The following ATP6V0A4 variants were observed in gnomAD, a reference collection of about 807,000 sequenced individuals.
ATP6V0A4 encodes ATPase H+ transporting V0 subunit a4, also known as V-type proton ATPase 116 kDa subunit a 4.
A neutral mutation model predicts 107.3 loss-of-function variants in ATP6V0A4; 86 were observed. The observed-to-expected ratio is 0.80, with a 90% confidence interval of 0.67 to 0.96. The LOEUF is 0.96. Among genes scored for constraint, ATP6V0A4 ranks in the 40% least tolerant of loss-of-function variants. The pLI is 0.00. For synonymous variants in ATP6V0A4, 353 were observed against 381.4 expected (o/e 0.93, Z 0.87); for missense variants, 908 against 1,045.6 (o/e 0.87, Z 1.81).
At chr7:138,741,019 C>G (rs1805611626) in intron 14 of ATP6V0A4, among the ~76,000 whole-genome samples, 1 of 151,976 alleles carries the variant, frequency 6.6e-6, no homozygotes, top group Admixed American at 6.6e-5. Flanking sequence ...TGCCACATGA[C>G]TGTAATCCCA....
At chr7:138,714,987 A>G (rs1363814739) in intron 20 of ATP6V0A4, among the ~76,000 whole-genome samples, 1 of 152,226 alleles carries the variant, frequency 6.6e-6, no homozygotes, top group Non-Finnish European at 1.5e-5. Context: ...GGAGAGTCAC[A>G]GTCAGAGAAA....
chr7:138,763,704 G>A (rs1806943258), intron 5 of ATP6V0A4, among the ~76,000 whole-genome samples: 1 of 151,182 alleles, frequency 6.6e-6, no homozygotes, highest in Non-Finnish European at 1.5e-5. Context: ...GAAAATGATG[G>A]GCCAGGCACG....
intron 18 of ATP6V0A4, among the ~76,000 whole-genome samples, chr7:138,723,448 A>G (rs1454295038): frequency 1.3e-5 from 2 of 152,032 alleles, no homozygotes; most frequent in Non-Finnish European, 2.9e-5. Context: ...CCCATGTCCA[A>G]AGTTTTTCTA....
Position 138,734,127 on chromosome 7 carries a change from G to A in ATP6V0A4, c.1691+9C>T, listed in dbSNP as rs771895516. The A allele has an allele frequency of 5.6e-6, 9 of 1,607,320 alleles. No homozygotes were observed. Among genetic ancestry groups the A allele is most frequent in the Non-Finnish European group, 4.3e-6 (5 of 1,174,098 alleles). On this transcript the variant is annotated intron_variant, in intron 16 of 21. Coordinates refer to ENST00000310018, the MANE Select transcript of ATP6V0A4 (RefSeq NM_020632.3). ...ACAGAGCAGGCAGAGAGTGCATCAA[G>A]AAACTTACATGTGATTGAAAAGGCT...
At chr7:138,765,748 G>C (rs931333468) in intron 5 of ATP6V0A4, among the ~76,000 whole-genome samples, 1 of 149,128 alleles carries the variant, frequency 6.7e-6, no homozygotes, top group Admixed American at 6.7e-5. Flanking sequence ...TTTTGTTTTT[G>C]TTTTTGTTTT....
chr7:138,709,107 G>A (rs764257472), intron 21 of ATP6V0A4, among the ~76,000 whole-genome samples: 1 of 151,542 alleles, frequency 6.6e-6, no homozygotes, highest in Non-Finnish European at 1.5e-5. Context: ...TACTCAGGAG[G>A]CTGAGGCAGG....
chr7:138,756,315 T>C (rs1563004513), intron 9 of ATP6V0A4, 143 bp downstream of exon 9: 1 of 1,379,474 alleles, frequency 7.2e-7, no homozygotes, highest in Non-Finnish European at 1.0e-6. Context: ...TAAAAATCAG[T>C]TGGGGCTGAC....
At chr7:138,735,165 G>A (rs1584910317) in intron 15 of ATP6V0A4, among the ~76,000 whole-genome samples, 1 of 152,050 alleles carries the variant, frequency 6.6e-6, no homozygotes, top group Non-Finnish European at 1.5e-5. Flanking sequence ...GTGGGTGGAG[G>A]GGTTAGTTAG....
intron 1 of ATP6V0A4, among the ~76,000 whole-genome samples, chr7:138,795,774 G>C (rs1354696790): frequency 1.3e-5 from 2 of 152,040 alleles, no homozygotes; most frequent in Non-Finnish European, 2.9e-5. Flanking sequence ...CTGAGTAGCT[G>C]AGACTACAGG....
chr7:138,733,231 C>T (rs1485514838), intron 16 of ATP6V0A4, 138 bp from the exon 17 acceptor site: 2 of 1,421,074 alleles, frequency 1.4e-6, no homozygotes, highest in Non-Finnish European at 9.4e-7. Flanking sequence ...CGGCACCCCC[C>T]ACCCCCCCAG....
chr7:138,797,375 A>C lies in ATP6V0A4; in HGVS notation c.-121+659T>G, dbSNP rs191127497. Among the ~76,000 whole-genome samples, 459 of 151,192 alleles carry C rather than the reference A, an allele frequency of 3.0e-3. 2 individuals carry two copies. The highest frequency in any genetic ancestry group is 2.2e-3 in the Non-Finnish European group (148 of 67,792). ...TGGGACTACAGGCATGCACCACCAC[A>C]CCTGGCTAATTTTTGTATTTTTATT... On this transcript the variant is annotated intron_variant, in intron 1 of 21. Transcript: ENST00000310018.
rs779869631 is a variant in ATP6V0A4, at chr7:138,762,983, G to A, written c.334C>T (p.Gln112Ter). The change falls in exon 6 of 22, where the codon CAG (glutamine) becomes TAG (stop). Residue 112 changes from glutamine (Q) to a stop codon, truncating the protein, a stop_gained. Coordinates refer to ENST00000310018, the MANE Select transcript of ATP6V0A4 (RefSeq NM_020632.3). LOFTEE classifies it high-confidence loss of function. ...KLEGELQEAN[Q>*]NQQALKQSFL... ...CTTTGTTTCAAGGCCTGCTGGTTCT[G>A]GTTGGCTTCCTGTAACTCTCCTTCC... The A allele has an allele frequency of 1.2e-6, 2 of 1,613,978 alleles. No homozygotes were observed. Among genetic ancestry groups the A allele is most frequent in the Non-Finnish European group, 1.7e-6 (2 of 1,180,020 alleles).
At position 138,749,080 on chromosome 7, in the gene ATP6V0A4, A is replaced by C; in HGVS notation, c.1180+87T>G. On this transcript the variant is annotated intron_variant, in intron 12 of 21. Transcript: ENST00000310018. ...TAGCCCCAAGCCTCACAGTTTTAAC[A>C]AGTTCACCACCTCGGTCACCTCAGG... 5.8e-6 allele frequency: 9 copies of C among 1,545,964 alleles called. No homozygotes were observed. In the South Asian group the frequency reaches 1.0e-4, roughly 17 times the overall value.
At chr7:138,707,063 T>C (rs1471365227) in intron 21 of ATP6V0A4, among the ~76,000 whole-genome samples, 1 of 99,658 alleles carries the variant, frequency 1.0e-5, no homozygotes, top group Non-Finnish European at 1.8e-5. Flanking sequence ...GCCTAGCTAA[T>C]TTATATGTGT....
intron 16 of ATP6V0A4, among the ~76,000 whole-genome samples, chr7:138,733,621 C>A (rs57934557): frequency 0.49 from 69,826 of 142,906 alleles, 17,865 homozygotes; most frequent in East Asian, 0.8. Context: ...CTCTGTCACC[C>A]AGGCTGGAGT....
intron 15 of ATP6V0A4, 43 bp from the exon 16 acceptor site, chr7:138,734,297 TAGA>T (rs778278013): frequency 3.7e-5 from 59 of 1,609,854 alleles, no homozygotes; most frequent in Non-Finnish European, 4.9e-5. Flanking sequence ...GAGAGAGTCT[TAGA>T]AGTTCTACTG....
intron 15 of ATP6V0A4, 56 bp downstream of exon 15, chr7:138,739,484 A>T: frequency 6.3e-7 from 1 of 1,592,526 alleles, no homozygotes; most frequent in Non-Finnish European, 8.6e-7. Context: ...CTCTCTCCAG[A>T]GGTCTCCTCA....
chr7:138,744,851 T>A (rs1015894278), intron 14 of ATP6V0A4, among the ~76,000 whole-genome samples: 2 of 152,062 alleles, frequency 1.3e-5, no homozygotes, highest in Non-Finnish European at 2.9e-5. Flanking sequence ...TCCAGGCACC[T>A]GCCACCACAT....
chr7:138,737,579 CTT>C (rs373540257), intron 15 of ATP6V0A4, among the ~76,000 whole-genome samples: 12,198 of 134,656 alleles, frequency 0.091, 1,587 homozygotes, highest in African/African-American at 0.29. Context: ...TTTTCTTTTT[CTT>C]TTTTTTTTTT....
Sources: allele counts gnomAD v4.1 joint callset (sites outside exome capture counted in the v4.1 genomes callset), GRCh38; gene constraint gnomAD v4.1.1; transcripts MANE v1.5; gene names NCBI Gene and HGNC (gene_info 2026-07-23, HGNC 2026-07-21).